Variants in CCDC144A observed in about 807,000 individuals in gnomAD.
CCDC144A encodes the protein coiled-coil domain-containing protein 144A.
CCDC144A carries 41 observed loss-of-function variants against 143.8 expected under a neutral mutation model. The ratio of observed to expected loss-of-function variants is 0.29; its 90% CI spans 0.22 to 0.37. The LOEUF is 0.37. Ranked by LOEUF, CCDC144A falls within the 10% of genes least tolerant of loss-of-function variation. The pLI is 1.00. For synonymous variants in CCDC144A, 242 were observed against 517.9 expected, an observed-to-expected ratio of 0.47 and a Z score of 7.23; for missense variants, 637 against 1,488.8, an observed-to-expected ratio of 0.43 and a Z score of 9.41.
chr17:16,673,037 TG>T, the CCDC144A span, among the ~76,000 whole-genome samples: 2 of 152,140 alleles, frequency 1.3e-5, 1 homozygote, highest in Admixed American at 1.3e-4. Flanking sequence ...ATTTAACAAA[TG>T]ATAAACCTTA....
At chr17:16,734,414 G>A (rs1385202225) in intron 11 of CCDC144A, among the ~76,000 whole-genome samples, 1 of 152,128 alleles carries the variant, frequency 6.6e-6, no homozygotes, top group Non-Finnish European at 1.5e-5. Context: ...ATGCCTTTGA[G>A]TTTGTTGTAA....
At chr17:16,770,284 G>A (rs1349771848) in intron 15 of CCDC144A, among the ~76,000 whole-genome samples, 1 of 152,066 alleles carries the variant, frequency 6.6e-6, no homozygotes, top group African/African-American at 2.4e-5. Context: ...TGAGTAGCTG[G>A]GACTACAGGC....
In CCDC144A at chr17:16,690,690, A is replaced by T. The variant is rs1381690170; in HGVS notation, c.290A>T (p.Glu97Val). ...CGGTCGGGCGACGTCCCTGGGGTGG[A>T]GCACATCTTAGCTCCTGGAGACACT... ...AARSGDVPGV[E>V]HILAPGDTGV... The change falls in exon 1 of 17, where the codon GAG (glutamate) becomes GTG (valine). Residue 97 changes from glutamate to valine, a missense_variant. By Grantham distance (121) the Glu-to-Val change is moderately radical. Coordinates refer to ENST00000399273, the MANE Select transcript of CCDC144A (RefSeq NM_001382000.1). 1 of 1,613,626 alleles carries T rather than the reference A, an allele frequency of 6.2e-7. No homozygotes were observed. The highest frequency in any genetic ancestry group is 1.3e-5 in the African/African-American group (1 of 74,922).
chr17:16,680,990 C>T, the CCDC144A span, among the ~76,000 whole-genome samples: 1 of 151,846 alleles, frequency 6.6e-6, no homozygotes, highest in Non-Finnish European at 1.5e-5. Flanking sequence ...AATTGTACTG[C>T]TAATGTATTA....
At chr17:16,737,162 CTTTTTTTTTT>C (rs757856458) in intron 12 of CCDC144A, among the ~76,000 whole-genome samples, 1 of 102,666 alleles carries the variant, frequency 9.7e-6, no homozygotes, top group Non-Finnish European at 1.9e-5. Context: ...AGAGTTAAAT[CTTTTTTTTTT>C]TTTTTTTTTT....
intron 12 of CCDC144A, among the ~76,000 whole-genome samples, chr17:16,751,111 A>G (rs397842927): frequency 1.3e-5 from 2 of 152,198 alleles, no homozygotes; most frequent in Non-Finnish European, 2.9e-5. Flanking sequence ...GATTTGTTGA[A>G]TTGCTAGAGT....
At chr17:16,696,821 T>C (rs1241183399) in intron 2 of CCDC144A, among the ~76,000 whole-genome samples, 2 of 152,004 alleles carry the variant, frequency 1.3e-5, no homozygotes, top group East Asian at 1.9e-4. Context: ...GTTTTGTTCA[T>C]GTCTGTTTTC....
chr17:16,690,523 G>A lies in CCDC144A; in HGVS notation c.123G>A (p.Pro41=). The change falls in exon 1 of 17, where the codon CCG becomes CCA. Residue 41 remains proline (P), a synonymous_variant. Coordinates refer to ENST00000399273, the MANE Select transcript of CCDC144A (RefSeq NM_001382000.1). ...SQGDQWYLGY[P]GDQWSSGFPY... Reference sequence around the variant, plus strand: ...GGGACCAGTGGTACTTGGGCTACCCGGGGGACCAGTGGTCCTCGGGCTTCC... The same window carrying A: ...GGGACCAGTGGTACTTGGGCTACCCAGGGGACCAGTGGTCCTCGGGCTTCC... 7 of 1,613,050 alleles carry A rather than the reference G, an allele frequency of 4.3e-6. No individual in the cohort carries two copies. Among genetic ancestry groups the A allele is most frequent in the Non-Finnish European group, 5.9e-6 (7 of 1,179,622 alleles).
rs769575959 is a variant in CCDC144A at position 16,709,404 on chromosome 17, A to G, written c.1347A>G (p.Gln449=). The change falls in exon 5 of 17, where the codon CAA becomes CAG. Residue 449 remains glutamine, a synonymous_variant. Transcript: ENST00000399273. ...EMKEDQEFDL[Q]MTKNMNQNSD... ...AAGAAGACCAAGAGTTTGATTTGCA[A>G]ATGACAAAAAATATGAACCAAAATA... is the stretch of plus-strand genomic sequence containing the variant. 4.1e-5 allele frequency: 66 copies of G among 1,611,566 alleles called. No individual in the cohort carries two copies. The Admixed American group carries it at 1.1e-3, about 26-fold the overall frequency.
intron 15 of CCDC144A, among the ~76,000 whole-genome samples, chr17:16,768,062 A>G (rs1351844905): frequency 6.6e-6 from 1 of 152,294 alleles, no homozygotes; most frequent in African/African-American, 2.4e-5. Context: ...TAAGCTATAT[A>G]TCTACATGTA....
At chr17:16,669,865 T>C in the CCDC144A span, among the ~76,000 whole-genome samples, 1 of 152,114 alleles carries the variant, frequency 6.6e-6, no homozygotes, top group African/African-American at 2.4e-5. Flanking sequence ...CTAACATAAG[T>C]CAAGGTAGAT....
At chr17:16,691,586 C>T (rs1415409277) in intron 1 of CCDC144A, among the ~76,000 whole-genome samples, 2 of 151,306 alleles carry the variant, frequency 1.3e-5, no homozygotes, top group Non-Finnish European at 2.9e-5. Context: ...ACGGTGAAAC[C>T]CCGTCACTAC....
the CCDC144A span, among the ~76,000 whole-genome samples, chr17:16,670,226 A>T: frequency 6.6e-6 from 1 of 152,044 alleles, no homozygotes; most frequent in South Asian, 2.1e-4. Context: ...CAAAATCAGT[A>T]ACTTAGCAGT....
At chr17:16,671,892 C>T in the CCDC144A span, among the ~76,000 whole-genome samples, 1 of 152,034 alleles carries the variant, frequency 6.6e-6, no homozygotes, top group Admixed American at 6.6e-5. Flanking sequence ...GACTGTACTT[C>T]TGCCCTTTAT....
chr17:16,704,736 A>G (rs1415887316), intron 2 of CCDC144A, among the ~76,000 whole-genome samples: 2 of 152,162 alleles, frequency 1.3e-5, no homozygotes. Context: ...AATAGTTTTA[A>G]AAGTATATTT....
intron 12 of CCDC144A, among the ~76,000 whole-genome samples, chr17:16,754,585 A>G (rs1453390553): frequency 6.6e-6 from 1 of 152,188 alleles, no homozygotes; most frequent in Non-Finnish European, 1.5e-5. Flanking sequence ...GTCGTTACTG[A>G]TTTCCATTTT....
Position 16,707,498 on chromosome 17 carries a change from G to A in CCDC144A, c.694G>A (p.Glu232Lys). 1 of 1,607,196 alleles carries A rather than the reference G, an allele frequency of 6.2e-7. No individual in the cohort carries two copies. The highest frequency in any genetic ancestry group is 8.5e-7 in the Non-Finnish European group (1 of 1,177,922). Reference protein sequence around the residue: ...AEQDSELTSEEEQERLKGCEN... With the variant: ...AEQDSELTSEKEQERLKGCEN... ...ACAAGACTCGGAGCTGACATCAGAG[G>A]AAGAGCAAGAAAGACTTAAAGGATG... Residue 232 changes from glutamate to lysine, a missense_variant, in exon 4 of 17, where the codon GAA becomes AAA. Transcript: ENST00000399273.
Position 16,718,915 on chromosome 17 carries a change from T to C in CCDC144A, c.1716-1283T>C, listed in dbSNP as rs1254445508. Among the ~76,000 whole-genome samples, 3 of 123,370 alleles carry C rather than the reference T, an allele frequency of 2.4e-5. 1 individual carries two copies. Among genetic ancestry groups the C allele is most frequent in the Admixed American group, 2.4e-4 (3 of 12,474 alleles). 80.9% of individuals were successfully genotyped at this position (123,370 alleles called of 152,430 possible). On this transcript the variant is annotated intron_variant, in intron 6 of 16. Transcript: ENST00000399273. The stretch of plus-strand genomic sequence containing the variant: ...GGCACAATCTTAGCTCACTGCAACC[T>C]CCACTTCCCAGGTTCAGGCGATTCT...
At chr17:16,758,218 T>A (rs1310116844) in intron 12 of CCDC144A, among the ~76,000 whole-genome samples, 1 of 152,242 alleles carries the variant, frequency 6.6e-6, no homozygotes, top group Non-Finnish European at 1.5e-5. Flanking sequence ...CACACTAATT[T>A]CTAATTATTA....
Sources: allele counts gnomAD v4.1 joint callset (sites outside exome capture counted in the v4.1 genomes callset), GRCh38; gene constraint gnomAD v4.1.1; transcripts MANE v1.5; gene names NCBI Gene and HGNC (gene_info 2026-07-23, HGNC 2026-07-21).